Variants in SLC1A1 observed in about 807,000 individuals in gnomAD.
SLC1A1 encodes solute carrier family 1 member 1, also known as excitatory amino acid transporter 3.
In SLC1A1, 43 loss-of-function variants were observed where a neutral mutation model predicts 53.3. The observed-to-expected ratio is 0.81, with a 90% CI of 0.63 to 1.04. The LOEUF is 1.04. Ranked by LOEUF, SLC1A1 falls within the 50% of genes least tolerant of loss-of-function variation. SLC1A1 has a pLI of 0.00. For synonymous variants in SLC1A1, 307 were observed against 243.2 expected, an observed-to-expected ratio of 1.26 and a Z score of -2.44; for missense variants, 748 against 664.9, an observed-to-expected ratio of 1.12 and a Z score of -1.37.
chr9:4,492,907 T>G (rs1170717767), intron 1 of SLC1A1, among the ~76,000 whole-genome samples: 5 of 152,178 alleles, frequency 3.3e-5, no homozygotes, highest in Non-Finnish European at 4.4e-5. Flanking sequence ...TCTCCAGAGA[T>G]ACTCACTTGC....
At chr9:4,497,653 T>C (rs59799342) in intron 1 of SLC1A1, among the ~76,000 whole-genome samples, 2,998 of 152,296 alleles carry the variant, frequency 0.02, 98 homozygotes, top group African/African-American at 0.067. Flanking sequence ...CAACATAGAT[T>C]AACACTTGAT....
chr9:4,497,412 A>T (rs2130793996), intron 1 of SLC1A1, among the ~76,000 whole-genome samples: 1 of 152,264 alleles, frequency 6.6e-6, no homozygotes, highest in African/African-American at 2.4e-5. Flanking sequence ...CCAATTCAGG[A>T]ACCCTAAGGG....
At chr9:4,527,127 G>A (rs1816290800) in intron 1 of SLC1A1, among the ~76,000 whole-genome samples, 1 of 152,174 alleles carries the variant, frequency 6.6e-6, no homozygotes, top group African/African-American at 2.4e-5. Flanking sequence ...AGGACTTGCA[G>A]GAGCCGAGAG....
At chr9:4,517,027 A>G (rs1821183506) in intron 1 of SLC1A1, among the ~76,000 whole-genome samples, 1 of 152,214 alleles carries the variant, frequency 6.6e-6, no homozygotes, top group South Asian at 2.1e-4. Flanking sequence ...ACTTTGGACA[A>G]GTTTCCTAAC....
chr9:4,569,052 G>T (rs1438073901), intron 6 of SLC1A1, among the ~76,000 whole-genome samples: 2 of 152,118 alleles, frequency 1.3e-5, no homozygotes, highest in Admixed American at 1.3e-4. Flanking sequence ...ATAACTACCA[G>T]GAATAGAGAG....
intron 2 of SLC1A1, among the ~76,000 whole-genome samples, chr9:4,552,012 C>T (rs1038150530): frequency 5.9e-5 from 9 of 152,180 alleles, no homozygotes; most frequent in Non-Finnish European, 1.3e-4. Flanking sequence ...TTTAGTCTTT[C>T]CTGAGACAGT....
chr9:4,491,013 T>C (rs1820215640), intron 1 of SLC1A1, among the ~76,000 whole-genome samples: 1 of 152,220 alleles, frequency 6.6e-6, no homozygotes, highest in Non-Finnish European at 1.5e-5. Flanking sequence ...GTTCCTGCTC[T>C]ACCCAAAATG....
intron 11 of SLC1A1, among the ~76,000 whole-genome samples, chr9:4,584,030 T>G (rs546376514): frequency 6.6e-6 from 1 of 152,300 alleles, no homozygotes; most frequent in African/African-American, 2.4e-5. Context: ...GCATGGATCT[T>G]ACAGCATTTA....
intron 1 of SLC1A1, among the ~76,000 whole-genome samples, chr9:4,498,541 C>CAA (rs34610062): frequency 2.0e-5 from 3 of 151,298 alleles, no homozygotes; most frequent in Non-Finnish European, 4.4e-5. Flanking sequence ...ATAGGGAAAA[C>CAA]AAAAAAAAGC....
At chr9:4,562,274 A>G (rs374873940) in intron 3 of SLC1A1, among the ~76,000 whole-genome samples, 42 of 151,502 alleles carry the variant, frequency 2.8e-4, no homozygotes, top group African/African-American at 1.0e-3. Context: ...GGGTTTCACC[A>G]TGTTGGCCAG....
intron 1 of SLC1A1, among the ~76,000 whole-genome samples, chr9:4,507,975 A>G (rs1241057136): frequency 6.6e-6 from 1 of 152,138 alleles, no homozygotes; most frequent in Non-Finnish European, 1.5e-5. Flanking sequence ...ACGTGATGTT[A>G]GTTAAAGTGG....
rs146204000 is a variant in SLC1A1 at position 4,519,334 on chromosome 9, T to C, written c.92-25233T>C. Among the ~76,000 whole-genome samples, 277 of 152,366 alleles carry C rather than the reference T, an allele frequency of 1.8e-3. 1 individual carries two copies. Among genetic ancestry groups the C allele is most frequent in the Non-Finnish European group, 3.4e-3 (229 of 68,038 alleles). On this transcript the variant is annotated intron_variant, in intron 1 of 11. Transcript: ENST00000262352. ...AGTGTTTCCTATGTACATTTTCTCTTTGGGTTCACCCAACATTCTCGAGAT... is the reference window on the plus strand; with the variant it reads ...AGTGTTTCCTATGTACATTTTCTCTCTGGGTTCACCCAACATTCTCGAGAT...
intron 1 of SLC1A1, among the ~76,000 whole-genome samples, chr9:4,513,318 T>C (rs1821056721): frequency 6.6e-6 from 1 of 152,192 alleles, no homozygotes; most frequent in Admixed American, 6.5e-5. Context: ...TGTCTAAATT[T>C]GTATCCAGAA....
intron 6 of SLC1A1, among the ~76,000 whole-genome samples, chr9:4,571,360 C>T (rs1239605628): frequency 6.6e-6 from 1 of 152,004 alleles, no homozygotes; most frequent in Non-Finnish European, 1.5e-5. Context: ...ACCACATGTA[C>T]CCCTGAATGT....
At chr9:4,510,735 A>G (rs886657632) in intron 1 of SLC1A1, among the ~76,000 whole-genome samples, 4 of 152,232 alleles carry the variant, frequency 2.6e-5, no homozygotes, top group African/African-American at 9.6e-5. Context: ...ACAAGACTCC[A>G]TGGCCTTAGC....
chr9:4,501,001 C>G (rs560000640), intron 1 of SLC1A1, among the ~76,000 whole-genome samples: 2 of 152,214 alleles, frequency 1.3e-5, no homozygotes, highest in South Asian at 4.2e-4. Context: ...CCACTAATCC[C>G]CAGACCCAGC....
intron 10 of SLC1A1, among the ~76,000 whole-genome samples, chr9:4,581,477 G>A (rs576369792): frequency 6.6e-6 from 1 of 152,348 alleles, no homozygotes; most frequent in East Asian, 1.9e-4. Flanking sequence ...CAAGGACAGA[G>A]TTTTCTTTGA....
intron 1 of SLC1A1, among the ~76,000 whole-genome samples, chr9:4,509,323 T>G (rs994470620): frequency 6.6e-6 from 1 of 152,124 alleles, no homozygotes; most frequent in Non-Finnish European, 1.5e-5. Flanking sequence ...AGAGTTTCAC[T>G]GAGCAGAATT....
intron 8 of SLC1A1, among the ~76,000 whole-genome samples, chr9:4,575,310 C>T (rs1475518813): frequency 1.3e-5 from 2 of 152,284 alleles, no homozygotes; most frequent in Non-Finnish European, 2.9e-5. Context: ...TCTTAAGCCT[C>T]CTAGTTCATG....
Sources: gnomAD v4.1 joint callset for allele counts (sites outside exome capture counted in the v4.1 genomes callset) on GRCh38, gnomAD v4.1.1 for gene constraint, MANE v1.5 for transcripts, NCBI Gene and HGNC (gene_info 2026-07-23, HGNC 2026-07-21) for gene names.